Variants in SATL1 observed in about 807,000 individuals in gnomAD.
SATL1 encodes spermidine/spermine N(1)-acetyltransferase-like protein 1.
In SATL1, 47 loss-of-function variants were observed where a neutral mutation model predicts 51.8. That is an observed-to-expected ratio of 0.91 (90% CI 0.72 to 1.16). The LOEUF is 1.16. SATL1 is among the 50% of genes most tolerant of loss of function. SATL1 has a pLI of 0.00. For missense variants in SATL1, 520 were observed against 526.4 expected (o/e 0.99, Z 0.12); for synonymous variants, 176 against 182.4 (o/e 0.97, Z 0.28).
At chrX:85,148,340 T>G (rs1222741085) in intron 2 of SATL1, among the ~76,000 whole-genome samples, 1 of 109,386 alleles carries the variant, frequency 9.1e-6, no homozygotes, top group Non-Finnish European at 1.9e-5. Context: ...TACGTCTGAG[T>G]GGTGTACCTG....
At chrX:85,221,338 C>T (rs763855966) in intron 2 of SATL1, among the ~76,000 whole-genome samples, 145 of 111,874 alleles carry the variant, frequency 1.3e-3, no homozygotes, top group African/African-American at 4.4e-3. Context: ...ATGCCATCCT[C>T]CCATCACTAT....
chrX:85,206,495 A>G (rs1252136731), intron 2 of SATL1, among the ~76,000 whole-genome samples: 1 of 111,896 alleles, frequency 8.9e-6, no homozygotes, highest in African/African-American at 3.2e-5. Flanking sequence ...CTACTGAGGG[A>G]TCAAATCAGA....
intron 2 of SATL1, among the ~76,000 whole-genome samples, chrX:85,150,414 G>A (rs2147720784): frequency 9.1e-6 from 1 of 109,348 alleles, no homozygotes; most frequent in East Asian, 2.9e-4. Flanking sequence ...CATTCCTTCT[G>A]AAACTATTCC....
chrX:85,119,788 T>C (rs933157188), intron 2 of SATL1, among the ~76,000 whole-genome samples: 4 of 111,254 alleles, frequency 3.6e-5, no homozygotes, highest in Non-Finnish European at 5.7e-5. Flanking sequence ...TCAGAGGAAA[T>C]TGGTGGAGAA....
intron 4 of SATL1, among the ~76,000 whole-genome samples, chrX:85,099,516 T>C (rs1368853509): frequency 9.0e-6 from 1 of 111,612 alleles, no homozygotes; most frequent in Non-Finnish European, 1.9e-5. Context: ...AATTGGAAAT[T>C]GAACTCAACA....
At position 85,239,378 on chromosome X, in the gene SATL1, TA is replaced by T. The variant is rs751079302; in HGVS notation, c.-435+4209del. On this transcript the variant is annotated intron_variant, in intron 1 of 7. Coordinates refer to ENST00000644105, the MANE Select transcript of SATL1 (RefSeq NM_001367857.2). Reference sequence around the variant, plus strand: ...CTGATGAAACATATCCAAGAAGACCTAAACAAATGGACATACTGTGTTCATG... The same window carrying T: ...CTGATGAAACATATCCAAGAAGACCTAACAAATGGACATACTGTGTTCATG... Among the ~76,000 whole-genome samples, 13 of 111,443 alleles carry T rather than the reference TA, an allele frequency of 1.2e-4. No individual in the cohort carries two copies. In the East Asian group the frequency reaches 3.1e-3, roughly 27 times the overall value.
intron 2 of SATL1, among the ~76,000 whole-genome samples, chrX:85,166,567 C>A (rs750886105): frequency 1.8e-5 from 2 of 111,062 alleles, no homozygotes; most frequent in African/African-American, 6.5e-5. Flanking sequence ...AAATCAAAAC[C>A]ACAATGTGAT....
rs1699128123 is a variant in SATL1, at chrX:85,108,961, T to G, written c.8A>C (p.Gln3Pro). 8.3e-7 allele frequency: 1 copy of G among 1,199,085 alleles called. No homozygotes were observed. Reference sequence around the variant, plus strand: ...TAAACTTGATTGGTTCGTGCCTGATTGGTTCATGCCCAGTTGATTCCTGCT... The same window carrying G: ...TAAACTTGATTGGTTCGTGCCTGATGGGTTCATGCCCAGTTGATTCCTGCT... MN[Q>P]SGTNQSSLSD... The change falls in exon 3 of 8, where the codon CAA becomes CCA. Residue 3 changes from glutamine to proline, a missense_variant. Around this residue, in one of 3 missense-constraint regions of SATL1, gnomAD observed 22 missense variants for 23.8 expected, o/e 0.92. Transcript: ENST00000644105.
intron 2 of SATL1, among the ~76,000 whole-genome samples, chrX:85,138,344 CT>C (rs1462664983): frequency 9.0e-6 from 1 of 111,645 alleles, no homozygotes; most frequent in African/African-American, 3.3e-5. Flanking sequence ...TTTGTCTCCC[CT>C]GTTGGGAGTT....
intron 3 of SATL1, among the ~76,000 whole-genome samples, chrX:85,106,150 T>C (rs992134169): frequency 9.8e-5 from 11 of 112,109 alleles, no homozygotes; most frequent in African/African-American, 3.6e-4. Flanking sequence ...CAAAAAACTC[T>C]TTAAAAAATG....
intron 2 of SATL1, among the ~76,000 whole-genome samples, chrX:85,181,894 T>G (rs896775168): frequency 9.0e-6 from 1 of 111,392 alleles, no homozygotes; most frequent in Non-Finnish European, 1.9e-5. Flanking sequence ...AATGTGTACA[T>G]TTTTCTGGAT....
At chrX:85,193,123 C>T (rs1007564861) in intron 2 of SATL1, among the ~76,000 whole-genome samples, 1 of 111,640 alleles carries the variant, frequency 9.0e-6, no homozygotes, top group Non-Finnish European at 1.9e-5. Context: ...TATTCCATAT[C>T]ATTCATTCAA....
intron 2 of SATL1, among the ~76,000 whole-genome samples, chrX:85,165,535 C>T (rs900658662): frequency 9.1e-6 from 1 of 109,701 alleles, no homozygotes; most frequent in Non-Finnish European, 1.9e-5. Context: ...CTTCTGAATT[C>T]TTTATCTGGC....
intron 2 of SATL1, among the ~76,000 whole-genome samples, chrX:85,113,862 C>A (rs995338007): frequency 1.8e-5 from 2 of 111,432 alleles, no homozygotes. Context: ...TGTGTAAATT[C>A]CTCTCCTCTT....
chrX:85,197,259 A>G (rs190455221), intron 2 of SATL1, among the ~76,000 whole-genome samples: 1 of 111,565 alleles, frequency 9.0e-6, no homozygotes, highest in Non-Finnish European at 1.9e-5. Flanking sequence ...GTAGGTGTAT[A>G]TATGTATGGA....
chrX:85,097,499 A>T (rs1235051397), intron 4 of SATL1, among the ~76,000 whole-genome samples: 2 of 111,303 alleles, frequency 1.8e-5, no homozygotes. Flanking sequence ...CATCATGCCC[A>T]GCTAATTTTT....
At chrX:85,094,581 A>G (rs1199181845) in intron 5 of SATL1, among the ~76,000 whole-genome samples, 2 of 110,814 alleles carry the variant, frequency 1.8e-5, no homozygotes, top group African/African-American at 6.6e-5. Context: ...CTGTCTCTAC[A>G]AAAAATAATT....
chrX:85,137,892 T>A (rs941669330), intron 2 of SATL1, among the ~76,000 whole-genome samples: 1 of 111,717 alleles, frequency 9.0e-6, no homozygotes, highest in Non-Finnish European at 1.9e-5. Context: ...TCTACTGAGA[T>A]ATTTTTCAGC....
rs375063817 is a variant in SATL1 at position 85,227,882 on chromosome X, G to A, written c.-434-3556C>T. ...AATTATTGTTAATATTTTAGGTATGGTGATGTGGTTATATTTTTTAAAGCA... is the reference window on the plus strand; with the variant it reads ...AATTATTGTTAATATTTTAGGTATGATGATGTGGTTATATTTTTTAAAGCA... On this transcript the variant is annotated intron_variant, in intron 1 of 7. Coordinates refer to ENST00000644105, the MANE Select transcript of SATL1 (RefSeq NM_001367857.2). Among the ~76,000 whole-genome samples, 15 of 111,228 alleles carry A rather than the reference G, an allele frequency of 1.3e-4. No homozygotes were observed. The East Asian group carries it at 1.4e-3, about 10-fold the overall frequency.
Sources: gnomAD v4.1 joint callset for allele counts (sites outside exome capture counted in the v4.1 genomes callset) on GRCh38, gnomAD v4.1.1 for gene constraint, gnomAD v4.1.1 regional missense constraint, MANE v1.5 for transcripts, NCBI Gene and HGNC (gene_info 2026-07-23, HGNC 2026-07-21) for gene names.